Variants in ERC1 observed in about 807,000 individuals in gnomAD.
ERC1 encodes the protein ELKS/RAB6-interacting/CAST family member 1, also known as RAB6 interacting protein 2.
ERC1 carries 56 observed loss-of-function variants against 132.0 expected under a neutral mutation model. That is an observed-to-expected ratio of 0.42 (90% CI 0.34 to 0.53). The LOEUF is 0.53. Ranked by LOEUF, ERC1 falls within the 20% of genes least tolerant of loss-of-function variation. The pLI is 0.03. For synonymous variants in ERC1, 478 were observed against 476.1 expected (o/e 1.00, Z -0.05); for missense variants, 1,202 against 1,349.9 (o/e 0.89, Z 1.72).
chr12:1,343,362 G>A (rs1323384714), intron 15 of ERC1, among the ~76,000 whole-genome samples: 1 of 152,178 alleles, frequency 6.6e-6, no homozygotes, highest in Admixed American at 6.5e-5. Flanking sequence ...CAGCTTTGGT[G>A]TTAGTCTTTA....
At chr12:1,014,227 A>T (rs1965152391) in intron 1 of ERC1, among the ~76,000 whole-genome samples, 14 of 151,688 alleles carry the variant, frequency 9.2e-5, no homozygotes, top group Admixed American at 9.2e-4. Context: ...CCATGCTGGG[A>T]TGCAGTGGTG....
chr12:1,287,685 G>A (rs533112079), intron 14 of ERC1, among the ~76,000 whole-genome samples: 95 of 152,244 alleles, frequency 6.2e-4, no homozygotes, highest in Non-Finnish European at 9.4e-4. Context: ...GAGCCTGCTC[G>A]CCTTCAGACT....
At chr12:1,055,211 ACT>A (rs1182423142) in intron 2 of ERC1, among the ~76,000 whole-genome samples, 2 of 150,148 alleles carry the variant, frequency 1.3e-5, no homozygotes, top group African/African-American at 2.5e-5. Flanking sequence ...ACAGAGTCTC[ACT>A]CTATCACCCA....
chr12:1,349,412 C>A lies in ERC1; in HGVS notation c.2781-22421C>A, dbSNP rs538383891. Among the ~76,000 whole-genome samples the A allele has an allele frequency of 3.3e-5, 5 of 152,154 alleles. No homozygotes were observed. The South Asian group carries it at 1.0e-3, about 32-fold the overall frequency. On this transcript the variant is annotated intron_variant, in intron 15 of 18. Transcript: ENST00000360905. Reference sequence around the variant, plus strand: ...GGCACAGTGGCTCACGCCTGTAATCCCAGCACTTTGGGAGGCCGAGGCGGG... The same window carrying A: ...GGCACAGTGGCTCACGCCTGTAATCACAGCACTTTGGGAGGCCGAGGCGGG...
At chr12:1,289,707 A>G (rs1443824810) in intron 14 of ERC1, 145 bp from the exon 15 acceptor site, 5 of 617,106 alleles carry the variant, frequency 8.1e-6, no homozygotes, top group Non-Finnish European at 1.2e-5. Flanking sequence ...ATACACACAC[A>G]TAACTGATCC....
chr12:1,407,364 A>G (rs2091566261), intron 16 of ERC1, among the ~76,000 whole-genome samples: 1 of 151,946 alleles, frequency 6.6e-6, no homozygotes. Context: ...TGTTCAATTG[A>G]TTTTTTTATT....
intron 16 of ERC1, among the ~76,000 whole-genome samples, chr12:1,372,276 AG>A (rs1752947532): frequency 6.6e-6 from 1 of 152,118 alleles, no homozygotes. Flanking sequence ...TGACATGAAA[AG>A]GCTTTTTTTT....
intron 1 of ERC1, among the ~76,000 whole-genome samples, chr12:1,006,204 G>A (rs10849616): frequency 0.96 from 145,156 of 151,668 alleles, 69,759 homozygotes; most frequent in East Asian, 1. Context: ...TGATCCACCC[G>A]CCTCGGCCTC....
rs140902712 is a variant in ERC1 at position 1,071,419 on chromosome 12, C to G, written c.670-11745C>G. Among the ~76,000 whole-genome samples the G allele has an allele frequency of 5.9e-5, 9 of 152,266 alleles. No individual in the cohort carries two copies. In the East Asian group the frequency reaches 1.7e-3, roughly 29 times the overall value. On this transcript the variant is annotated intron_variant, in intron 2 of 18. Coordinates refer to ENST00000360905, the MANE Select transcript of ERC1 (RefSeq NM_178040.4). ...TGCATTTCCCCAGTTACTAAAGATA[C>G]TAGTCACTTTTTCGTTTGCTTATTG...
At chr12:1,124,972 C>T (rs1004225013) in intron 7 of ERC1, among the ~76,000 whole-genome samples, 11 of 151,754 alleles carry the variant, frequency 7.2e-5, no homozygotes, top group African/African-American at 2.2e-4. Context: ...AGATGGCTTT[C>T]GAGGAGAAAA....
At chr12:1,179,651 G>A (rs1477886690) in intron 8 of ERC1, among the ~76,000 whole-genome samples, 1 of 150,894 alleles carries the variant, frequency 6.6e-6, no homozygotes, top group African/African-American at 2.4e-5. Context: ...GGGACTACAG[G>A]CGCCCGCCAC....
chr12:1,481,293 TG>T (rs2094087292), intron 18 of ERC1, among the ~76,000 whole-genome samples: 1 of 152,284 alleles, frequency 6.6e-6, no homozygotes, highest in African/African-American at 2.4e-5. Flanking sequence ...GCACCTGTGC[TG>T]TATAACACAT....
chr12:1,373,574 A>T (rs1034962753), intron 16 of ERC1, among the ~76,000 whole-genome samples: 1 of 152,164 alleles, frequency 6.6e-6, no homozygotes, highest in Non-Finnish European at 1.5e-5. Context: ...GAGGTCAGGA[A>T]ATCGAGACCA....
chr12:1,246,080 T>G (rs1331319429), intron 13 of ERC1, among the ~76,000 whole-genome samples: 5 of 152,192 alleles, frequency 3.3e-5, no homozygotes, highest in Non-Finnish European at 7.3e-5. Context: ...CTCAAAGTGA[T>G]TTTTTTATAT....
intron 2 of ERC1, among the ~76,000 whole-genome samples, chr12:1,038,474 C>T (rs1969540059): frequency 6.6e-6 from 1 of 151,972 alleles, no homozygotes. Context: ...CAGTTCTCTG[C>T]CTCAGCCTCC....
At chr12:1,157,216 A>G (rs1464036325) in intron 8 of ERC1, among the ~76,000 whole-genome samples, 1 of 151,836 alleles carries the variant, frequency 6.6e-6, no homozygotes, top group African/African-American at 2.4e-5. Context: ...CCAACCTTCC[A>G]CCTCAGACTC....
At chr12:1,486,634 A>G (rs1273162887) in intron 18 of ERC1, among the ~76,000 whole-genome samples, 1 of 152,102 alleles carries the variant, frequency 6.6e-6, no homozygotes, top group Non-Finnish European at 1.5e-5. Flanking sequence ...CGTGTTGGCC[A>G]GGCTGGTTTT....
chr12:990,069 C>G (rs755263005), upstream of ERC1: 2 of 152,010 alleles, frequency 1.3e-5, no homozygotes, highest in Non-Finnish European at 2.9e-5. Flanking sequence ...AGAGTCCGGG[C>G]AGGATGAAAC....
intron 17 of ERC1, among the ~76,000 whole-genome samples, chr12:1,418,130 T>A (rs1183260279): frequency 6.6e-6 from 1 of 152,176 alleles, no homozygotes; most frequent in African/African-American, 2.4e-5. Context: ...GAAGGATACA[T>A]AGCTAGAAGG....
Sources: allele counts gnomAD v4.1 joint callset (sites outside exome capture counted in the v4.1 genomes callset), GRCh38; gene constraint gnomAD v4.1.1; transcripts MANE v1.5; gene names NCBI Gene and HGNC (gene_info 2026-07-23, HGNC 2026-07-21).